Variants in GRIP1 observed in about 807,000 individuals in gnomAD.
The protein encoded by GRIP1 is glutamate receptor interacting protein 1.
Under a neutral mutation model 129.9 loss-of-function variants are expected in GRIP1, and 45 were observed. The observed-to-expected ratio is 0.35, with a 90% CI of 0.27 to 0.44. The LOEUF is 0.44. Ranked by LOEUF, GRIP1 falls within the 20% of genes least tolerant of loss-of-function variation. The probability of loss-of-function intolerance (pLI) is 1.00; values close to 1 mark genes in which losing one functional copy is unlikely to be tolerated. For synonymous variants in GRIP1, 530 were observed against 520.8 expected (o/e 1.02, Z -0.24); for missense variants, 1,196 against 1,396.8 (o/e 0.86, Z 2.29).
intron 1 of GRIP1, among the ~76,000 whole-genome samples, chr12:66,617,085 TTGTGTGTGTGTGTG>T (rs71436017): frequency 8.1e-5 from 11 of 135,448 alleles, no homozygotes; most frequent in Non-Finnish European, 1.6e-4. Flanking sequence ...AACAGACGTT[TTGTGTGTGTGTGTG>T]TGTGTGTGTG....
At chr12:66,845,516 T>C (rs1224762199) in intron 1 of GRIP1, among the ~76,000 whole-genome samples, 1 of 152,100 alleles carries the variant, frequency 6.6e-6, no homozygotes, top group Non-Finnish European at 1.5e-5. Context: ...TGCTTTCTGG[T>C]ATTAATTTTT....
chr12:67,029,714 T>C (rs2042993468), intron 1 of GRIP1, among the ~76,000 whole-genome samples: 1 of 151,740 alleles, frequency 6.6e-6, no homozygotes, highest in Non-Finnish European at 1.5e-5. Flanking sequence ...GGAATAAAAA[T>C]CCCACAAAAG....
chr12:66,738,932 C>G (rs975747629), intron 1 of GRIP1, among the ~76,000 whole-genome samples: 1 of 152,212 alleles, frequency 6.6e-6, no homozygotes, highest in East Asian at 1.9e-4. Flanking sequence ...CCTTTACATA[C>G]TCAGGGTTCT....
At chr12:67,064,327 C>A (rs1186793437) in intron 1 of GRIP1, among the ~76,000 whole-genome samples, 1 of 152,198 alleles carries the variant, frequency 6.6e-6, no homozygotes, top group Non-Finnish European at 1.5e-5. Flanking sequence ...TAAAATTCTA[C>A]AAACTTCACC....
intron 14 of GRIP1, among the ~76,000 whole-genome samples, chr12:66,426,493 C>A (rs2057991660): frequency 6.6e-6 from 1 of 152,100 alleles, no homozygotes; most frequent in Admixed American, 6.6e-5. Context: ...CTCATGAATG[C>A]AATGTATTTG....
chr12:66,412,923 T>C (rs1465196158), intron 15 of GRIP1, among the ~76,000 whole-genome samples: 1 of 152,138 alleles, frequency 6.6e-6, no homozygotes, highest in Non-Finnish European at 1.5e-5. Context: ...CCTAAATATA[T>C]ATGCCCCTAA....
At chr12:66,506,099 G>T (rs2060519051) in intron 7 of GRIP1, among the ~76,000 whole-genome samples, 1 of 152,124 alleles carries the variant, frequency 6.6e-6, no homozygotes, top group African/African-American at 2.4e-5. Context: ...AGTGTAAATT[G>T]GTGCAACCAC....
intron 1 of GRIP1, among the ~76,000 whole-genome samples, chr12:66,659,745 G>A (rs747876057): frequency 2.6e-5 from 4 of 152,072 alleles, no homozygotes; most frequent in Non-Finnish European, 4.4e-5. Context: ...TATAGTTCTT[G>A]AAGGACCCAG....
At chr12:66,385,085 C>A (rs1410025020) in intron 19 of GRIP1, among the ~76,000 whole-genome samples, 5 of 152,092 alleles carry the variant, frequency 3.3e-5, no homozygotes, top group African/African-American at 2.4e-5. Context: ...AAGAAAAAAT[C>A]AACTGCCAGA....
At chr12:66,596,467 T>C (rs1223483952) in intron 2 of GRIP1, among the ~76,000 whole-genome samples, 1 of 152,206 alleles carries the variant, frequency 6.6e-6, no homozygotes, top group Non-Finnish European at 1.5e-5. Context: ...TCAGCATACA[T>C]GATCTGTTGC....
At chr12:66,846,935 G>C (rs73331130) in intron 1 of GRIP1, among the ~76,000 whole-genome samples, 1 of 152,126 alleles carries the variant, frequency 6.6e-6, no homozygotes, top group African/African-American at 2.4e-5. Flanking sequence ...AATGACATCA[G>C]TGGACTCTGG....
chr12:66,427,112 T>C (rs895106799), intron 14 of GRIP1, among the ~76,000 whole-genome samples: 1 of 152,210 alleles, frequency 6.6e-6, no homozygotes, highest in Non-Finnish European at 1.5e-5. Flanking sequence ...CCGAAGTTTC[T>C]GGTCCCTGAA....
At chr12:66,790,682 G>A (rs2038502132) in intron 1 of GRIP1, among the ~76,000 whole-genome samples, 1 of 152,092 alleles carries the variant, frequency 6.6e-6, no homozygotes, top group Non-Finnish European at 1.5e-5. Context: ...GAGAAGAAAG[G>A]TACTGGGAAC....
chr12:66,546,565 C>A (rs2061952752), intron 2 of GRIP1, among the ~76,000 whole-genome samples: 1 of 152,024 alleles, frequency 6.6e-6, no homozygotes, highest in Non-Finnish European at 1.5e-5. Context: ...ACAGAGGACC[C>A]AGGAATAGAC....
At chr12:66,571,754 T>C (rs757950843) in intron 2 of GRIP1, among the ~76,000 whole-genome samples, 1 of 152,212 alleles carries the variant, frequency 6.6e-6, no homozygotes, top group Non-Finnish European at 1.5e-5. Context: ...ACTGGGAAAT[T>C]GCCTGAATTA....
At position 66,772,375 on chromosome 12, in the gene GRIP1, TGAC is replaced by T. The variant is rs201382785; in HGVS notation, c.-420+31675_-420+31677del. Among the ~76,000 whole-genome samples, 446 of 152,352 alleles carry T rather than the reference TGAC, an allele frequency of 2.9e-3. 4 individuals are homozygous for T. The highest frequency in any genetic ancestry group is 0.01 in the African/African-American group (427 of 41,576). On this transcript the variant is annotated intron_variant, in intron 1 of 4. Transcript: ENST00000538373. ...AAGAATACTAAAATGTAATCCCAAA[TGAC>T]AGTGCAGGGAGCTAAAACCCCAAAT...
chr12:66,838,558 C>T (rs2039658776), intron 1 of GRIP1, among the ~76,000 whole-genome samples: 2 of 152,148 alleles, frequency 1.3e-5, no homozygotes, highest in Admixed American at 1.3e-4. Flanking sequence ...GTGAACAAAT[C>T]AACTTAGACA....
chr12:66,984,065 C>T (rs1027816611), intron 1 of GRIP1, among the ~76,000 whole-genome samples: 3 of 152,234 alleles, frequency 2.0e-5, no homozygotes, highest in South Asian at 4.1e-4. Flanking sequence ...GCAGAACAAA[C>T]CCGGGAGAAG....
At chr12:66,943,091 T>C (rs767438310) in intron 1 of GRIP1, among the ~76,000 whole-genome samples, 15 of 152,194 alleles carry the variant, frequency 9.9e-5, no homozygotes, top group Non-Finnish European at 1.8e-4. Context: ...ATGTAAAAAT[T>C]TGGGAGATTC....
Sources: allele counts gnomAD v4.1 joint callset (sites outside exome capture counted in the v4.1 genomes callset), GRCh38; gene constraint gnomAD v4.1.1; transcripts MANE v1.5; gene names NCBI Gene and HGNC (gene_info 2026-07-23, HGNC 2026-07-21).